The following ZC3H13 variants were observed in gnomAD, a reference collection of about 807,000 sequenced individuals.
ZC3H13 encodes zinc finger CCCH-type containing 13.
ZC3H13 carries 64 observed loss-of-function variants against 204.1 expected under a neutral mutation model. The observed-to-expected ratio is 0.31, with a 90% CI of 0.26 to 0.39. ZC3H13 has a LOEUF of 0.39. Among genes scored for constraint, ZC3H13 ranks in the 10% least tolerant of loss-of-function variants. The pLI, the probability that ZC3H13 is intolerant of heterozygous loss-of-function variation, is 1.00. For synonymous variants in ZC3H13, 667 were observed against 693.7 expected (o/e 0.96, Z 0.60); for missense variants, 1,833 against 2,082.7 (o/e 0.88, Z 2.33).
At chr13:45,968,400 T>C (rs1032418715) in intron 14 of ZC3H13, among the ~76,000 whole-genome samples, 2 of 152,190 alleles carry the variant, frequency 1.3e-5, no homozygotes, top group African/African-American at 2.4e-5. Context: ...CCCTATCTTA[T>C]TTTCTGTGGT....
At chr13:46,028,828 C>A (rs2042701454) in intron 4 of ZC3H13, among the ~76,000 whole-genome samples, 1 of 151,982 alleles carries the variant, frequency 6.6e-6, no homozygotes, top group Non-Finnish European at 1.5e-5. Context: ...ATATTTATAG[C>A]ATTGAATGTA....
At chr13:45,974,695 G>C (rs1260093876) in intron 12 of ZC3H13, among the ~76,000 whole-genome samples, 1 of 152,072 alleles carries the variant, frequency 6.6e-6, no homozygotes, top group Non-Finnish European at 1.5e-5. Flanking sequence ...GTAGCCTGGG[G>C]GTAGTGACTC....
intron 11 of ZC3H13, among the ~76,000 whole-genome samples, chr13:45,978,795 A>G (rs1458960956): frequency 1.3e-5 from 2 of 152,090 alleles, no homozygotes; most frequent in Admixed American, 6.5e-5. Flanking sequence ...GGAAGAAAAA[A>G]TTTCAGATAT....
chr13:45,990,376 T>C (rs2039884830), intron 8 of ZC3H13, among the ~76,000 whole-genome samples: 1 of 152,190 alleles, frequency 6.6e-6, no homozygotes, highest in African/African-American at 2.4e-5. Context: ...ATAAACTATG[T>C]TACTAAGTCA....
chr13:45,973,177 G>A (rs1952729566), intron 12 of ZC3H13, among the ~76,000 whole-genome samples: 1 of 152,156 alleles, frequency 6.6e-6, no homozygotes, highest in Non-Finnish European at 1.5e-5. Flanking sequence ...GGAATAAAGT[G>A]AAAATTTAAA....
At chr13:45,979,575 T>C (rs1178226991) in intron 11 of ZC3H13, among the ~76,000 whole-genome samples, 2 of 152,116 alleles carry the variant, frequency 1.3e-5, no homozygotes, top group East Asian at 1.9e-4. Context: ...AAACACACAG[T>C]AGGGCACCCA....
chr13:45,978,065 A>C (rs867764525), intron 11 of ZC3H13, among the ~76,000 whole-genome samples: 7 of 152,008 alleles, frequency 4.6e-5, no homozygotes, highest in Non-Finnish European at 7.4e-5. Flanking sequence ...TCTCCCTGTA[A>C]AGTGCTCCTT....
intron 1 of ZC3H13, among the ~76,000 whole-genome samples, chr13:46,049,881 T>C (rs1283658233): frequency 6.6e-6 from 1 of 152,168 alleles, no homozygotes; most frequent in African/African-American, 2.4e-5. Flanking sequence ...ATCAAGGTCA[T>C]ACCAATAACT....
intron 8 of ZC3H13, among the ~76,000 whole-genome samples, chr13:45,999,674 T>C (rs1272184850): frequency 6.6e-6 from 1 of 152,258 alleles, no homozygotes; most frequent in East Asian, 1.9e-4. Flanking sequence ...TCTGTAACTA[T>C]TAATATTTTG....
At chr13:46,041,495 T>C (rs1188828059) in intron 4 of ZC3H13, among the ~76,000 whole-genome samples, 3 of 152,122 alleles carry the variant, frequency 2.0e-5, no homozygotes, top group African/African-American at 7.2e-5. Flanking sequence ...ACTGTGATGA[T>C]GGTTTCACAA....
At chr13:45,979,717 T>A in intron 11 of ZC3H13, 96 bp downstream of exon 11, 1 of 1,225,312 alleles carries the variant, frequency 8.2e-7, no homozygotes, top group South Asian at 1.6e-5. Context: ...AGCCTTAAAG[T>A]ATATTTTATA....
rs754396859 is a variant in ZC3H13, at chr13:45,985,332, C to T, written c.1685G>A (p.Arg562Gln). Reference protein sequence around the residue: ...RSEIRNDRMGRSRGRVPELPE... With the variant: ...RSEIRNDRMGQSRGRVPELPE... ...TAACTCAGGAACCCTCCCCCTACTT[C>T]GGCCCATTCGGTCATTTCTAATTTC... The change falls in exon 10 of 19, where the codon CGA (arginine) becomes CAA (glutamine). Residue 562 changes from arginine (R) to glutamine (Q), a missense_variant. Physicochemically the swap from Arg to Gln is conservative, Grantham distance 43. Coordinates refer to ENST00000679008, the MANE Select transcript of ZC3H13 (RefSeq NM_001330564.2). 3.7e-6 allele frequency: 6 copies of T among 1,613,978 alleles called. No homozygotes were observed. The highest frequency in any genetic ancestry group is 4.2e-6 in the Non-Finnish European group (5 of 1,179,894).
At chr13:46,008,431 G>A (rs910913607) in intron 7 of ZC3H13, among the ~76,000 whole-genome samples, 2 of 151,678 alleles carry the variant, frequency 1.3e-5, no homozygotes, top group African/African-American at 2.4e-5. Flanking sequence ...ACGGTGCATC[G>A]TAAAGTCAAC....
chr13:45,965,668 G>C (rs1244331548), intron 15 of ZC3H13, among the ~76,000 whole-genome samples: 2 of 152,020 alleles, frequency 1.3e-5, no homozygotes, highest in Non-Finnish European at 2.9e-5. Context: ...GCAATTATGA[G>C]AACAGCTTAT....
chr13:45,968,736 C>T lies in ZC3H13; in HGVS notation c.3796+12G>A. On this transcript the variant is annotated intron_variant, in intron 14 of 18. Coordinates refer to ENST00000679008, the MANE Select transcript of ZC3H13 (RefSeq NM_001330564.2). ...AGGAAACAGTGACTAGATCACAATTCAATTTTATTACCTGAAGAAGTACTT... is the reference window on the plus strand; with the variant it reads ...AGGAAACAGTGACTAGATCACAATTTAATTTTATTACCTGAAGAAGTACTT... The T allele has an allele frequency of 1.3e-6, 2 of 1,562,542 alleles. No individual in the cohort carries two copies. The highest frequency in any genetic ancestry group is 1.7e-6 in the Non-Finnish European group (2 of 1,158,896).
At chr13:46,051,324 CAG>C (rs1343155345) in intron 1 of ZC3H13, among the ~76,000 whole-genome samples, 4 of 152,178 alleles carry the variant, frequency 2.6e-5, no homozygotes, top group African/African-American at 9.7e-5. Context: ...ACCAGATGCA[CAG>C]AGTGAAAGCC....
chr13:46,002,992 T>C, intron 8 of ZC3H13, 147 bp downstream of exon 8: 1 of 637,894 alleles, frequency 1.6e-6, no homozygotes, highest in Non-Finnish European at 2.5e-6. Flanking sequence ...ATAATAATAA[T>C]TATTATGGGA....
At chr13:46,010,159 C>T (rs2138640611) in intron 7 of ZC3H13, 189 bp downstream of exon 7, 1 of 468,588 alleles carries the variant, frequency 2.1e-6, no homozygotes, top group Non-Finnish European at 3.5e-6. Flanking sequence ...GTGGATGTTA[C>T]ACAGATGTTT....
intron 7 of ZC3H13, among the ~76,000 whole-genome samples, chr13:46,005,635 G>A (rs1446965431): frequency 6.6e-6 from 1 of 151,958 alleles, no homozygotes; most frequent in Non-Finnish European, 1.5e-5. Flanking sequence ...GAGTATAGGT[G>A]CATACCACCA....
Sources: allele counts gnomAD v4.1 joint callset (sites outside exome capture counted in the v4.1 genomes callset), GRCh38; gene constraint gnomAD v4.1.1; transcripts MANE v1.5; gene names NCBI Gene and HGNC (gene_info 2026-07-23, HGNC 2026-07-21).